PIK3R3: variants seen among roughly 807,000 people sequenced by gnomAD.
PIK3R3 encodes the protein phosphatidylinositol 3-kinase regulatory subunit gamma.
In PIK3R3, 64 loss-of-function variants were observed where a neutral mutation model predicts 62.9. The observed-to-expected ratio is 1.02, with a 90% CI of 0.83 to 1.25. The LOEUF (loss-of-function observed/expected upper bound fraction) is 1.25. PIK3R3 is among the 50% of genes most tolerant of loss of function. PIK3R3 has a pLI of 0.00. For missense variants in PIK3R3, 614 were observed against 561.6 expected, an observed-to-expected ratio of 1.09 and a Z score of -0.94; for synonymous variants, 165 against 189.0, an observed-to-expected ratio of 0.87 and a Z score of 1.04.
chr1:46,148,003 T>TA, the PIK3R3 span, among the ~76,000 whole-genome samples: 1 of 152,214 alleles, frequency 6.6e-6, no homozygotes, highest in East Asian at 1.9e-4. Flanking sequence ...AATGCCAAGT[T>TA]AAAACACTAA....
rs772142202 is a variant in PIK3R3, at chr1:46,077,561, G to A, written c.268C>T (p.Arg90Ter). The A allele has an allele frequency of 3.1e-6, 5 of 1,612,408 alleles. No individual in the cohort carries two copies. The highest frequency in any genetic ancestry group is 1.1e-5 in the South Asian group (1 of 91,036). ...RDMPDGTFLV[R>*]DASTKMQGDY... ...CCCTGCATTTTTGTTGAGGCATCTCGGACCAAGAAGGTCCCATCTGGCATA... is the reference window on the plus strand; with the variant it reads ...CCCTGCATTTTTGTTGAGGCATCTCAGACCAAGAAGGTCCCATCTGGCATA... Residue 90 changes from arginine (R) to a stop codon, truncating the protein, a stop_gained, in exon 3 of 10, where the codon CGA (arginine) becomes TGA (stop). Transcript: ENST00000262741. LOFTEE classifies it high-confidence loss of function.
At chr1:46,097,283 T>A (rs1234375616) in intron 1 of PIK3R3, among the ~76,000 whole-genome samples, 1 of 152,068 alleles carries the variant, frequency 6.6e-6, no homozygotes, top group Non-Finnish European at 1.5e-5. Flanking sequence ...GTAGCTCACA[T>A]CTATAATCCT....
At chr1:46,066,673 C>G (rs1462420778) in intron 4 of PIK3R3, among the ~76,000 whole-genome samples, 1 of 152,046 alleles carries the variant, frequency 6.6e-6, no homozygotes, top group African/African-American at 2.4e-5. Flanking sequence ...CACCTGTGAT[C>G]CCAGCTACCG....
At chr1:46,051,639 T>A (rs1444452864) in intron 7 of PIK3R3, among the ~76,000 whole-genome samples, 3 of 152,124 alleles carry the variant, frequency 2.0e-5, no homozygotes, top group Admixed American at 6.6e-5. Flanking sequence ...AAGCAGAATA[T>A]GCATCAAAAA....
chr1:46,085,104 G>A (rs1204530957), intron 1 of PIK3R3, among the ~76,000 whole-genome samples: 1 of 152,144 alleles, frequency 6.6e-6, no homozygotes, highest in Non-Finnish European at 1.5e-5. Context: ...TATTACAGAG[G>A]GCTGCCTCCT....
At chr1:46,068,734 C>T (rs1571402056) in intron 3 of PIK3R3, among the ~76,000 whole-genome samples, 1 of 152,248 alleles carries the variant, frequency 6.6e-6, no homozygotes, top group East Asian at 1.9e-4. Context: ...GCCAGTGATG[C>T]TGGGCCTGAA....
intron 1 of PIK3R3, among the ~76,000 whole-genome samples, chr1:46,108,207 A>T (rs1174475456): frequency 6.6e-6 from 1 of 152,234 alleles, no homozygotes. Context: ...CTTCATAAAC[A>T]TAAATGTTAA....
chr1:46,155,906 G>T, the PIK3R3 span, among the ~76,000 whole-genome samples: 1 of 152,174 alleles, frequency 6.6e-6, no homozygotes, highest in East Asian at 1.9e-4. Flanking sequence ...ATTCATTTAC[G>T]TATTGTCTGT....
the PIK3R3 span, among the ~76,000 whole-genome samples, chr1:46,142,641 T>A: frequency 1.6e-4 from 24 of 150,328 alleles, no homozygotes; most frequent in East Asian, 2.9e-3. Flanking sequence ...GAGCTTGCAG[T>A]GAGCCAAGAT....
chr1:46,117,661 T>C (rs1008644333), intron 1 of PIK3R3, among the ~76,000 whole-genome samples: 1 of 152,072 alleles, frequency 6.6e-6, no homozygotes, highest in African/African-American at 2.4e-5. Context: ...GTAAGAGGAT[T>C]GCTTGAGCCT....
intron 1 of PIK3R3, among the ~76,000 whole-genome samples, chr1:46,128,743 A>G (rs1655306265): frequency 1.3e-5 from 2 of 152,228 alleles, no homozygotes; most frequent in African/African-American, 4.8e-5. Flanking sequence ...TAAATAGTAC[A>G]GTAGCTTCTC....
chr1:46,100,184 C>G (rs555912851), intron 1 of PIK3R3, among the ~76,000 whole-genome samples: 1 of 152,144 alleles, frequency 6.6e-6, no homozygotes, highest in African/African-American at 2.4e-5. Flanking sequence ...TTTTACAGTT[C>G]AAATTTCAAG....
chr1:46,109,427 A>AT (rs1160920022), intron 1 of PIK3R3, among the ~76,000 whole-genome samples: 2 of 151,706 alleles, frequency 1.3e-5, no homozygotes, highest in Non-Finnish European at 2.9e-5. Flanking sequence ...ACTGTTAGCC[A>AT]TTTTTTCCTT....
At chr1:46,132,964 ACGCGAGC>A, upstream of PIK3R3, 2 of 1,115,316 alleles carry the variant, frequency 1.8e-6, no homozygotes, top group Non-Finnish European at 2.2e-6. Flanking sequence ...TGCCGGGAGC[ACGCGAGC>A]CAGGCGAGGA....
intron 3 of PIK3R3, among the ~76,000 whole-genome samples, chr1:46,072,612 T>C (rs1284690474): frequency 6.6e-6 from 1 of 152,236 alleles, no homozygotes; most frequent in Non-Finnish European, 1.5e-5. Flanking sequence ...AGTGTGGGAT[T>C]AAAACCATTT....
At chr1:46,169,207 G>A in the PIK3R3 span, among the ~76,000 whole-genome samples, 1 of 152,132 alleles carries the variant, frequency 6.6e-6, no homozygotes, top group East Asian at 1.9e-4. Context: ...GACAGACTTA[G>A]TTGAGATTCC....
chr1:46,156,078 G>A, the PIK3R3 span, among the ~76,000 whole-genome samples: 2 of 152,068 alleles, frequency 1.3e-5, no homozygotes, highest in African/African-American at 4.8e-5. Context: ...GTTGTAAAAC[G>A]TGTATCTTAA....
rs978710453 is a variant in PIK3R3, at chr1:46,130,304, C to T, written c.106+1543G>A. Among the ~76,000 whole-genome samples, 9 of 152,284 alleles carry T rather than the reference C, an allele frequency of 5.9e-5. No individual in the cohort carries two copies. In the South Asian group the frequency reaches 1.2e-3, roughly 21 times the overall value. On this transcript the variant is annotated intron_variant, in intron 1 of 9. Coordinates refer to ENST00000262741, the MANE Select transcript of PIK3R3 (RefSeq NM_003629.4). ...AAAGTACCAGTGATGTACTAAATTT[C>T]TATTCATATGTATGACAAATGTATC... is the stretch of plus-strand genomic sequence containing the variant.
chr1:46,091,553 A>G (rs1267321765), intron 1 of PIK3R3, among the ~76,000 whole-genome samples: 1 of 152,198 alleles, frequency 6.6e-6, no homozygotes, highest in Non-Finnish European at 1.5e-5. Flanking sequence ...TAGTTACTAT[A>G]TGGCTCTTTA....
Sources: gnomAD v4.1 joint callset for allele counts (sites outside exome capture counted in the v4.1 genomes callset) on GRCh38, gnomAD v4.1.1 for gene constraint, MANE v1.5 for transcripts, NCBI Gene and HGNC (gene_info 2026-07-23, HGNC 2026-07-21) for gene names.